Variants in MAPK4 observed in about 807,000 individuals in gnomAD.
The protein encoded by MAPK4 is mitogen-activated protein kinase 4.
Under a neutral mutation model 47.7 loss-of-function variants are expected in MAPK4, and 22 were observed. The observed-to-expected ratio is 0.46, with a 90% CI of 0.33 to 0.66. The LOEUF (loss-of-function observed/expected upper bound fraction) is 0.66, where lower values mean the gene tolerates loss of function less well. Among genes scored for constraint, MAPK4 ranks in the 30% least tolerant of loss-of-function variants. The probability of loss-of-function intolerance (pLI) is 0.02; values close to 1 mark genes in which losing one functional copy is unlikely to be tolerated. For synonymous variants in MAPK4, 390 were observed against 365.7 expected, an observed-to-expected ratio of 1.07 and a Z score of -0.76; for missense variants, 736 against 831.7, an observed-to-expected ratio of 0.88 and a Z score of 1.42.
At position 50,721,801 on chromosome 18, in the gene MAPK4, C is replaced by G; in HGVS notation, c.692-137C>G. 4 of 760,440 alleles carry G rather than the reference C, an allele frequency of 5.3e-6. No individual in the cohort carries two copies. In the Admixed American group the frequency reaches 9.1e-5, roughly 17 times the overall value. The allele number at this position is 760,440 out of a possible 1,614,324, so 47.1% of individuals were successfully genotyped here. On this transcript the variant is annotated intron_variant, in intron 3 of 5. Transcript: ENST00000400384. ...CCCACAGTTGAGCAGCAAATGAAGACCAGAACCCCGGTCCCAGCCCAGTGC... is the reference window on the plus strand; with the variant it reads ...CCCACAGTTGAGCAGCAAATGAAGAGCAGAACCCCGGTCCCAGCCCAGTGC...
At chr18:50,600,917 C>T (rs1022124811) in intron 1 of MAPK4, among the ~76,000 whole-genome samples, 1 of 151,428 alleles carries the variant, frequency 6.6e-6, no homozygotes, top group African/African-American at 2.4e-5. Flanking sequence ...TGTTCATAAA[C>T]TTGCACATTA....
At position 50,729,849 on chromosome 18, in the gene MAPK4, T is replaced by C. The variant is rs1204444978; in HGVS notation, c.1759T>C (p.Trp587Arg). 6.2e-7 allele frequency: 1 copy of C among 1,608,806 alleles called. No individual in the cohort carries two copies. The highest frequency in any genetic ancestry group is 1.3e-5 in the African/African-American group (1 of 74,862). Residue 587 changes from tryptophan (W) to arginine (R), a missense_variant, in exon 6 of 6, where the codon TGG becomes CGG. Trp to Arg is a moderately radical substitution (Grantham distance 101). This residue lies in a region of MAPK4 where 377 missense variants were observed against 378.6 expected (regional missense o/e 1.00). Transcript: ENST00000400384. ...VQTEAFSKER[W>R] ...GACCGAGGCCTTCTCCAAAGAAAGG[T>C]GGTGAGGGCGGAGGGGCCGCTCCAG...
intron 1 of MAPK4, among the ~76,000 whole-genome samples, chr18:50,657,608 C>A (rs1369032376): frequency 6.6e-6 from 1 of 152,076 alleles, no homozygotes; most frequent in African/African-American, 2.4e-5. Flanking sequence ...TTGAAAACTG[C>A]TGATTGAGAC....
Position 50,683,670 on chromosome 18 carries a change from G to A in MAPK4, c.546+19166G>A, listed in dbSNP as rs72627206. Among the ~76,000 whole-genome samples the A allele has an allele frequency of 4.0e-3, 615 of 152,206 alleles. 26 individuals carry two copies. In the East Asian group the frequency reaches 0.085, roughly 21 times the overall value. ...GACTCTAGACAAGGTTCCTGCCTTC[G>A]TGGAGTTTATATTTAAGTGGAAAAC... On this transcript the variant is annotated intron_variant, in intron 2 of 5. Transcript: ENST00000400384.
chr18:50,615,247 T>C (rs11660097), intron 1 of MAPK4, among the ~76,000 whole-genome samples: 17,307 of 152,136 alleles, frequency 0.11, 1,220 homozygotes, highest in Middle Eastern at 0.19. Flanking sequence ...CCAGTGCACA[T>C]GCCCTCTTCT....
chr18:50,650,564 T>C (rs1308261651), intron 1 of MAPK4, among the ~76,000 whole-genome samples: 1 of 152,152 alleles, frequency 6.6e-6, no homozygotes, highest in Non-Finnish European at 1.5e-5. Context: ...CTCTCCAATC[T>C]CACACTAGAA....
intron 1 of MAPK4, among the ~76,000 whole-genome samples, chr18:50,660,893 G>A (rs2043164295): frequency 6.6e-6 from 1 of 152,206 alleles, no homozygotes; most frequent in Admixed American, 6.5e-5. Flanking sequence ...TAAGCTGACA[G>A]CATATTGGGA....
At chr18:50,707,233 T>C (rs1910105088) in intron 2 of MAPK4, among the ~76,000 whole-genome samples, 1 of 151,094 alleles carries the variant, frequency 6.6e-6, no homozygotes. Flanking sequence ...CAATGGGGAG[T>C]CATTGTTTAA....
At chr18:50,579,532 A>G (rs1322981724) in intron 1 of MAPK4, among the ~76,000 whole-genome samples, 1 of 152,012 alleles carries the variant, frequency 6.6e-6, no homozygotes, top group African/African-American at 2.4e-5. Flanking sequence ...TTGGGGAGGA[A>G]TTGTTCTCTG....
intron 2 of MAPK4, among the ~76,000 whole-genome samples, chr18:50,687,448 GC>G (rs1166088425): frequency 6.6e-6 from 1 of 152,176 alleles, no homozygotes; most frequent in Non-Finnish European, 1.5e-5. Context: ...GGCCCAAATT[GC>G]CCCCCAGTTG....
rs150558908 is a variant in MAPK4 at position 50,684,351 on chromosome 18, C to T, written c.546+19847C>T. ...CTTGAGGCCAGGAGTTCGAGACCAG[C>T]CGCAGAAACATCGCAAGACCCCTTT... On this transcript the variant is annotated intron_variant, in intron 2 of 5. Coordinates refer to ENST00000400384, the MANE Select transcript of MAPK4 (RefSeq NM_002747.4). 2.8e-3 allele frequency among the ~76,000 whole-genome samples: 423 copies of T among 152,162 alleles called. 1 individual carries two copies. Among genetic ancestry groups the T allele is most frequent in the African/African-American group, 9.2e-3 (382 of 41,530 alleles).
intron 1 of MAPK4, among the ~76,000 whole-genome samples, chr18:50,561,604 ACTTTTGGGG>A (rs1309516179): frequency 1.3e-5 from 2 of 152,208 alleles, no homozygotes; most frequent in Non-Finnish European, 2.9e-5. Context: ...TGCCCAGTGT[ACTTTTGGGG>A]TACGGATAGA....
chr18:50,684,400 G>A (rs1475086546), intron 2 of MAPK4, among the ~76,000 whole-genome samples: 1 of 152,010 alleles, frequency 6.6e-6, no homozygotes, highest in Admixed American at 6.6e-5. Context: ...AAATAAATTA[G>A]CTGAGCATGG....
intron 1 of MAPK4, among the ~76,000 whole-genome samples, chr18:50,601,022 CCGAGG>C (rs2149372242): frequency 6.6e-6 from 1 of 150,672 alleles, no homozygotes; most frequent in South Asian, 2.1e-4. Context: ...CTTTGGAAGG[CCGAGG>C]TGGGCAGATC....
intron 1 of MAPK4, among the ~76,000 whole-genome samples, chr18:50,565,185 A>G (rs570760199): frequency 6.6e-6 from 1 of 152,336 alleles, no homozygotes; most frequent in South Asian, 2.1e-4. Flanking sequence ...TCAAAATGGA[A>G]TTGTTAAACC....
At chr18:50,615,287 G>T (rs1561261) in intron 1 of MAPK4, among the ~76,000 whole-genome samples, 1 of 151,938 alleles carries the variant, frequency 6.6e-6, no homozygotes, top group African/African-American at 2.4e-5. Flanking sequence ...CTGCAGCCCC[G>T]AATATTAGTT....
At position 50,695,040 on chromosome 18, in the gene MAPK4, C is replaced by T. The variant is rs935492696; in HGVS notation, c.547-20039C>T. On this transcript the variant is annotated intron_variant, in intron 2 of 5. Coordinates refer to ENST00000400384, the MANE Select transcript of MAPK4 (RefSeq NM_002747.4). Reference sequence around the variant, plus strand: ...GCCTGTCAGAAGCTGATGATTGAACCGGAAAGACAAGAACATAGACTCAGG... The same window carrying T: ...GCCTGTCAGAAGCTGATGATTGAACTGGAAAGACAAGAACATAGACTCAGG... Among the ~76,000 whole-genome samples, 9 of 151,958 alleles carry T rather than the reference C, an allele frequency of 5.9e-5. No homozygotes were observed. In the East Asian group the frequency reaches 7.7e-4, roughly 13 times the overall value.
intron 3 of MAPK4, among the ~76,000 whole-genome samples, chr18:50,720,528 G>T (rs911661217): frequency 1.3e-5 from 2 of 152,038 alleles, no homozygotes; most frequent in Non-Finnish European, 2.9e-5. Context: ...CATTGATCTC[G>T]GGCAGGAGCA....
chr18:50,628,813 A>G (rs937498819), intron 1 of MAPK4, among the ~76,000 whole-genome samples: 2 of 152,270 alleles, frequency 1.3e-5, no homozygotes, highest in African/African-American at 4.8e-5. Context: ...GCTAACAGCC[A>G]ACTACTGTTC....
Sources: allele counts gnomAD v4.1 joint callset (sites outside exome capture counted in the v4.1 genomes callset), GRCh38; gene constraint gnomAD v4.1.1; regional missense constraint gnomAD v4.1.1; transcripts MANE v1.5; gene names NCBI Gene and HGNC (gene_info 2026-07-23, HGNC 2026-07-21).